Variants in ZEB1 observed in about 807,000 individuals in gnomAD.
The protein encoded by ZEB1 is zinc finger E-box-binding homeobox 1.
In ZEB1, 21 loss-of-function variants were observed where a neutral mutation model predicts 84.9. The observed-to-expected ratio is 0.25, with a 90% confidence interval of 0.18 to 0.36. The LOEUF is 0.36. Among genes scored for constraint, ZEB1 ranks in the 10% least tolerant of loss-of-function variants. ZEB1 has a pLI of 1.00. For synonymous variants in ZEB1, 420 were observed against 471.1 expected, an observed-to-expected ratio of 0.89 and a Z score of 1.41; for missense variants, 1,104 against 1,330.2, an observed-to-expected ratio of 0.83 and a Z score of 2.65.
intron 1 of ZEB1, among the ~76,000 whole-genome samples, chr10:31,450,500 A>G (rs1465481225): frequency 6.6e-6 from 1 of 152,086 alleles, no homozygotes; most frequent in Non-Finnish European, 1.5e-5. Flanking sequence ...TGAATTTTCT[A>G]TAAATGTTAT....
chr10:31,410,702 G>A (rs2054071064), intron 1 of ZEB1, among the ~76,000 whole-genome samples: 1 of 152,106 alleles, frequency 6.6e-6, no homozygotes, highest in Admixed American at 6.5e-5. Flanking sequence ...GGTCTATTCA[G>A]GGATTTGACA....
intron 1 of ZEB1, among the ~76,000 whole-genome samples, chr10:31,340,559 G>A (rs1340064834): frequency 6.6e-6 from 1 of 150,498 alleles, no homozygotes; most frequent in East Asian, 1.9e-4. Flanking sequence ...AGACTGAATA[G>A]TGTGATGTTA....
chr10:31,351,414 T>C (rs1335578726), intron 1 of ZEB1, among the ~76,000 whole-genome samples: 2 of 151,502 alleles, frequency 1.3e-5, no homozygotes, highest in African/African-American at 4.8e-5. Flanking sequence ...AGCATCAGTC[T>C]GATAAGCATA....
intron 1 of ZEB1, among the ~76,000 whole-genome samples, chr10:31,416,053 C>T (rs1197934136): frequency 6.6e-6 from 1 of 151,992 alleles, no homozygotes; most frequent in Non-Finnish European, 1.5e-5. Flanking sequence ...ATGGTTGAAA[C>T]ATTTGAAATT....
chr10:31,529,676 G>T lies in ZEB1; in HGVS notation c.*2412G>T, dbSNP rs1283566222. On this transcript the variant is annotated 3_prime_UTR_variant, in exon 9 of 9. Transcript: ENST00000424869. ...ATAATTTGCATGTTTATGGAGCTCA[G>T]CTATGTTCTCACTTTTTTTGCTTCT... 6.6e-6 allele frequency: 1 copy of T among 152,146 alleles called. No homozygotes were observed. Among genetic ancestry groups the T allele is most frequent in the African/African-American group, 2.4e-5 (1 of 41,434 alleles). 9.4% of individuals were successfully genotyped at this position (152,146 alleles called of 1,614,324 possible).
intron 1 of ZEB1, among the ~76,000 whole-genome samples, chr10:31,334,596 A>T (rs1448190016): frequency 6.6e-6 from 1 of 152,118 alleles, no homozygotes; most frequent in Non-Finnish European, 1.5e-5. Context: ...TGAACTAGAG[A>T]AAGTAAAAGT....
chr10:31,522,471 T>C lies in ZEB1; in HGVS notation c.2604+535T>C, dbSNP rs561099467. On this transcript the variant is annotated intron_variant, in intron 7 of 8. Coordinates refer to ENST00000424869, the MANE Select transcript of ZEB1 (RefSeq NM_001174096.2). ...AATTTACTGATCATTTTATGAACTG[T>C]GCATAAACAGTGTTCAGTCATAATG... 6.6e-5 allele frequency among the ~76,000 whole-genome samples: 10 copies of C among 152,320 alleles called. 1 individual carries two copies. The highest frequency in any genetic ancestry group is 2.4e-4 in the African/African-American group (10 of 41,568).
At chr10:31,415,832 G>A (rs2055126162) in intron 1 of ZEB1, among the ~76,000 whole-genome samples, 1 of 151,948 alleles carries the variant, frequency 6.6e-6, no homozygotes, top group African/African-American at 2.4e-5. Context: ...TGGCAAAAAT[G>A]GTTGATTTCT....
intron 1 of ZEB1, among the ~76,000 whole-genome samples, chr10:31,445,946 G>A (rs528768745): frequency 1.1e-4 from 14 of 128,762 alleles, no homozygotes; most frequent in Non-Finnish European, 1.8e-4. Flanking sequence ...GAGTTAGGGA[G>A]GATTCCCTCT....
intron 4 of ZEB1, among the ~76,000 whole-genome samples, chr10:31,505,353 A>G (rs2068798868): frequency 6.6e-6 from 1 of 152,134 alleles, no homozygotes; most frequent in Admixed American, 6.6e-5. Flanking sequence ...GAATAGTTTG[A>G]GGAGAACTAG....
At position 31,520,907 on chromosome 10, in the gene ZEB1, G is replaced by T; in HGVS notation, c.1575G>T (p.Gly525=). 1.2e-6 allele frequency: 2 copies of T among 1,614,110 alleles called. No homozygotes were observed. The highest frequency in any genetic ancestry group is 1.3e-5 in the African/African-American group (1 of 75,044). ...VKSEKDKSFE[G]GVNDSTCLLC... ...CTGAGAAGGACAAAAGCTTTGAAGG[G>T]GGGGTGAATGATAGCACTTGTCTTC... The change falls in exon 7 of 9, where the codon GGG becomes GGT. Residue 525 remains glycine, a synonymous_variant. Transcript: ENST00000424869. The surrounding 1 kb of genome is among the most constrained non-coding windows in gnomAD (Gnocchi z 5.1).
chr10:31,328,557 A>C (rs1333837650), intron 1 of ZEB1, among the ~76,000 whole-genome samples: 1 of 152,082 alleles, frequency 6.6e-6, no homozygotes, highest in Non-Finnish European at 1.5e-5. Flanking sequence ...GTTGCTGTAA[A>C]ATTTGTACAT....
At chr10:31,348,215 A>T (rs1468900150) in intron 1 of ZEB1, among the ~76,000 whole-genome samples, 4 of 152,180 alleles carry the variant, frequency 2.6e-5, no homozygotes, top group African/African-American at 9.7e-5. Context: ...ACCTAGAAAA[A>T]GGAGCAAGTT....
chr10:31,483,583 G>C (rs2065342188), intron 2 of ZEB1, among the ~76,000 whole-genome samples: 4 of 151,896 alleles, frequency 2.6e-5, no homozygotes, highest in Admixed American at 2.6e-4. Flanking sequence ...AATTTCCCAT[G>C]GCCTCCAATA....
chr10:31,371,749 T>C (rs1264842480), intron 1 of ZEB1, among the ~76,000 whole-genome samples: 3 of 152,198 alleles, frequency 2.0e-5, no homozygotes, highest in South Asian at 2.1e-4. Flanking sequence ...ATAAGTGTTA[T>C]TGCTATTGAG....
intron 1 of ZEB1, among the ~76,000 whole-genome samples, chr10:31,423,665 TA>T (rs1303771562): frequency 6.6e-6 from 1 of 152,134 alleles, no homozygotes; most frequent in African/African-American, 2.4e-5. Flanking sequence ...GAGTTATCTA[TA>T]AGCGGCTAGT....
intron 1 of ZEB1, among the ~76,000 whole-genome samples, chr10:31,418,648 G>A (rs560206955): frequency 3.3e-5 from 5 of 152,190 alleles, no homozygotes; most frequent in African/African-American, 7.2e-5. Context: ...GCTTCTCTCT[G>A]TACTCTACTG....
intron 1 of ZEB1, among the ~76,000 whole-genome samples, chr10:31,394,964 C>T (rs144520965): frequency 6.6e-6 from 1 of 152,244 alleles, no homozygotes; most frequent in Non-Finnish European, 1.5e-5. Context: ...CCAGAGATAA[C>T]TCCTGGGTCC....
At chr10:31,393,993 C>G (rs576838909) in intron 1 of ZEB1, among the ~76,000 whole-genome samples, 168 of 152,210 alleles carry the variant, frequency 1.1e-3, no homozygotes, top group African/African-American at 3.7e-3. Context: ...CTATAGAGAA[C>G]TGTGAGAATA....
Sources: allele counts gnomAD v4.1 joint callset (sites outside exome capture counted in the v4.1 genomes callset), GRCh38; gene constraint gnomAD v4.1.1; non-coding constraint Gnocchi (gnomAD v3.1); transcripts MANE v1.5; gene names NCBI Gene and HGNC (gene_info 2026-07-23, HGNC 2026-07-21).